SPAST: variants seen among roughly 807,000 people sequenced by gnomAD.
The protein encoded by SPAST is spastic paraplegia 4 (autosomal dominant; spastin).
Under a neutral mutation model 76.6 loss-of-function variants are expected in SPAST, and 30 were observed. The observed-to-expected ratio is 0.39, with a 90% CI of 0.29 to 0.53. The LOEUF (loss-of-function observed/expected upper bound fraction) is 0.53. Among genes scored for constraint, SPAST ranks in the 20% least tolerant of loss-of-function variants. The pLI is 0.68. For synonymous variants in SPAST, 305 were observed against 281.0 expected (o/e 1.09, Z -0.86); for missense variants, 717 against 770.5 (o/e 0.93, Z 0.82).
chr2:32,088,294 A>T (rs1677573852), intron 2 of SPAST, among the ~76,000 whole-genome samples: 1 of 152,094 alleles, frequency 6.6e-6, no homozygotes, highest in African/African-American at 2.4e-5. Flanking sequence ...CAGCTTTCCA[A>T]AGTTGTGGGA....
At chr2:32,122,540 T>G (rs994026266) in intron 7 of SPAST, among the ~76,000 whole-genome samples, 6 of 152,146 alleles carry the variant, frequency 3.9e-5, no homozygotes, top group Admixed American at 1.3e-4. Flanking sequence ...CAGTCTAGTC[T>G]CGAACTCCTG....
intron 9 of SPAST, among the ~76,000 whole-genome samples, chr2:32,133,622 T>C (rs1238593707): frequency 1.3e-5 from 2 of 151,964 alleles, no homozygotes; most frequent in African/African-American, 2.4e-5. Context: ...ATTTTTCTTA[T>C]ATGTTCGAAC....
Position 32,116,185 on chromosome 2 carries a change from T to C in SPAST, c.1071T>C (p.Ile357=). The C allele has an allele frequency of 1.2e-6, 2 of 1,613,170 alleles. No individual in the cohort carries two copies. Among genetic ancestry groups the C allele is most frequent in the African/African-American group, 1.3e-5 (1 of 75,022 alleles). The change falls in exon 7 of 17, where the codon ATT becomes ATC. Residue 357 remains isoleucine (I), a synonymous_variant. Coordinates refer to ENST00000315285, the MANE Select transcript of SPAST (RefSeq NM_014946.4). ...TGGCAAAACAAGCATTGCAAGAAAT[T>C]GTTATTCTTCCTTCTCTGAGGCCTG... ...QDLAKQALQE[I]VILPSLRPEL... is the part of the protein sequence containing the mutation.
chr2:32,135,679 G>A lies in SPAST; in HGVS notation c.1246-884G>A, dbSNP rs78550108. On this transcript the variant is annotated intron_variant, in intron 9 of 16. Transcript: ENST00000315285. ...ATATTTTGATATTTATTGGCTGGGC[G>A]CGGTGGCTCATGCCTGTAATTCCAG... 6.0e-4 allele frequency among the ~76,000 whole-genome samples: 92 copies of A among 152,098 alleles called. 3 individuals are homozygous for A. The East Asian group carries it at 0.017, about 27-fold the overall frequency.
rs189467617 is a variant in SPAST, at chr2:32,119,198, T to C, written c.1098+2986T>C. Among the ~76,000 whole-genome samples the C allele has an allele frequency of 6.7e-4, 102 of 152,288 alleles. 1 individual carries two copies. In the East Asian group the frequency reaches 0.017, roughly 25 times the overall value. ...GAACTTTTTTTCCTTGTAGTTCAGA[T>C]TTCCAAGAAAGGGAATATTATTGTC... is the stretch of plus-strand genomic sequence containing the variant. On this transcript the variant is annotated intron_variant, in intron 7 of 16. Transcript: ENST00000315285.
chr2:32,064,696 G>C (rs748009238), intron 1 of SPAST, among the ~76,000 whole-genome samples: 2 of 152,172 alleles, frequency 1.3e-5, no homozygotes, highest in Non-Finnish European at 2.9e-5. Flanking sequence ...CAGAAAAAAA[G>C]AACAAATGGT....
At chr2:32,112,525 T>G (rs1255493132) in intron 4 of SPAST, among the ~76,000 whole-genome samples, 1 of 152,112 alleles carries the variant, frequency 6.6e-6, no homozygotes, top group African/African-American at 2.4e-5. Context: ...TTTTTGTGTT[T>G]TTAGTAGAGA....
intron 8 of SPAST, chr2:32,127,893 A>G (rs1388493638): frequency 6.5e-6 from 1 of 153,232 alleles, no homozygotes; most frequent in Non-Finnish European, 1.5e-5. Context: ...GAGAGTAGAA[A>G]GAAGCACAGC....
At chr2:32,089,201 T>TA (rs1677612419) in intron 2 of SPAST, among the ~76,000 whole-genome samples, 4 of 102,058 alleles carry the variant, frequency 3.9e-5, no homozygotes, top group Admixed American at 3.8e-4. Flanking sequence ...CTCGGCTAAT[T>TA]TTTTTTTTTT....
At position 32,106,238 on chromosome 2, in the gene SPAST, C is replaced by T. The variant is rs117984171; in HGVS notation, c.682+7347C>T. ...GCTGTGCTAGCAGTGAGCGAGGTTC[C>T]GTTGGCATGGGACCCTCTGAGCCAG... On this transcript the variant is annotated intron_variant, in intron 4 of 16. Transcript: ENST00000315285. Among the ~76,000 whole-genome samples the T allele has an allele frequency of 2.6e-4, 39 of 152,290 alleles. 1 individual carries two copies. In the East Asian group the frequency reaches 6.8e-3, roughly 26 times the overall value.
Position 32,113,882 on chromosome 2 carries a change from A to G in SPAST, c.683-756A>G, listed in dbSNP as rs483796. On this transcript the variant is annotated intron_variant, in intron 4 of 16. Transcript: ENST00000315285. Reference sequence around the variant, plus strand: ...GCGCCCGGCGCTTCATAACCTTTTTATATTGTCTTTCTGTTCCCCAAAATG... The same window carrying G: ...GCGCCCGGCGCTTCATAACCTTTTTGTATTGTCTTTCTGTTCCCCAAAATG... 9.0e-3 allele frequency among the ~76,000 whole-genome samples: 1,361 copies of G among 151,386 alleles called. 18 individuals are homozygous for G. The highest frequency in any genetic ancestry group is 0.014 in the Non-Finnish European group (966 of 67,834).
In SPAST at chr2:32,104,114, T is replaced by G. The variant is rs542522043; in HGVS notation, c.682+5223T>G. On this transcript the variant is annotated intron_variant, in intron 4 of 16. Transcript: ENST00000315285. ...GTCTCTTTGTAGGTCTCTAGGGACT[T>G]GCTTTATGAATCTGGGTGCTCCTGT... Among the ~76,000 whole-genome samples the G allele has an allele frequency of 4.6e-5, 7 of 152,334 alleles. No individual in the cohort carries two copies. In the South Asian group the frequency reaches 1.5e-3, roughly 32 times the overall value.
chr2:32,131,985 AC>A (rs1679384917), intron 9 of SPAST, among the ~76,000 whole-genome samples: 1 of 152,150 alleles, frequency 6.6e-6, no homozygotes, highest in Admixed American at 6.6e-5. Context: ...TTTTATCCAT[AC>A]TTTTTTCAAG....
At chr2:32,110,815 GTATA>G (rs1205109976) in intron 4 of SPAST, among the ~76,000 whole-genome samples, 12 of 112,594 alleles carry the variant, frequency 1.1e-4, no homozygotes, top group African/African-American at 2.4e-4. Context: ...ATACTATATA[GTATA>G]TAGAGTATAT....
intron 12 of SPAST, 129 bp downstream of exon 12, chr2:32,137,317 T>G: frequency 1.9e-5 from 15 of 786,452 alleles, no homozygotes; most frequent in East Asian, 2.6e-5. Flanking sequence ...GTACTATCTC[T>G]AGCCTCTTGT....
chr2:32,147,335 TG>T, intron 16 of SPAST, 77 bp downstream of exon 16: 1 of 734,906 alleles, frequency 1.4e-6, no homozygotes, highest in Non-Finnish European at 2.2e-6. Flanking sequence ...TATGAATGTG[TG>T]TGTGTGTGGT....
chr2:32,109,655 T>C (rs1463362253), intron 4 of SPAST, among the ~76,000 whole-genome samples: 2 of 150,478 alleles, frequency 1.3e-5, no homozygotes, highest in Non-Finnish European at 3.0e-5. Context: ...AATTCCCTTC[T>C]GTCACTCTTC....
intron 1 of SPAST, among the ~76,000 whole-genome samples, chr2:32,082,236 G>A (rs929129529): frequency 1.3e-5 from 2 of 150,040 alleles, no homozygotes; most frequent in South Asian, 2.1e-4. Flanking sequence ...CAGGTGATCC[G>A]CCTGCCTCAG....
At chr2:32,134,547 TC>T (rs1271590676) in intron 9 of SPAST, among the ~76,000 whole-genome samples, 2 of 151,988 alleles carry the variant, frequency 1.3e-5, no homozygotes, top group East Asian at 3.9e-4. Flanking sequence ...CAAGTGATCC[TC>T]CCATTTCGGC....
Sources: gnomAD v4.1 joint callset for allele counts (sites outside exome capture counted in the v4.1 genomes callset) on GRCh38, gnomAD v4.1.1 for gene constraint, MANE v1.5 for transcripts, NCBI Gene and HGNC (gene_info 2026-07-23, HGNC 2026-07-21) for gene names.